The following WDR72 variants were observed in gnomAD, a reference collection of about 807,000 sequenced individuals.
WDR72 encodes WD repeat domain 72, also known as WD repeat-containing protein 72.
A neutral mutation model predicts 124.2 loss-of-function variants in WDR72; 120 were observed. The observed-to-expected ratio is 0.97, with a 90% confidence interval of 0.83 to 1.12. The LOEUF (loss-of-function observed/expected upper bound fraction) is 1.12. Ranked by LOEUF, WDR72 falls within the 50% of genes most tolerant of loss-of-function variation. The probability of loss-of-function intolerance (pLI) is 0.00; values close to 1 mark genes in which losing one functional copy is unlikely to be tolerated. For synonymous variants in WDR72, 452 were observed against 441.7 expected, an observed-to-expected ratio of 1.02 and a Z score of -0.29; for missense variants, 1,387 against 1,278.8, an observed-to-expected ratio of 1.08 and a Z score of -1.29.
At chr15:53,541,459 A>C (rs996337215) in intron 18 of WDR72, among the ~76,000 whole-genome samples, 33 of 150,906 alleles carry the variant, frequency 2.2e-4, no homozygotes, top group Admixed American at 3.9e-4. Flanking sequence ...AAACTAACAA[A>C]CAGAAAGGAC....
At chr15:53,587,693 T>C (rs955850097) in intron 18 of WDR72, among the ~76,000 whole-genome samples, 1 of 152,018 alleles carries the variant, frequency 6.6e-6, no homozygotes, top group Non-Finnish European at 1.5e-5. Context: ...ACTGACCTCA[T>C]TCTAATGAGA....
intron 13 of WDR72, chr15:53,684,023 G>A (rs983047794): frequency 6.6e-6 from 1 of 151,836 alleles, no homozygotes; most frequent in African/African-American, 2.4e-5. Context: ...TATAATAAAG[G>A]ATATCAATTA....
At chr15:53,707,453 A>ATTT (rs33927924) in intron 9 of WDR72, among the ~76,000 whole-genome samples, 32 of 149,672 alleles carry the variant, frequency 2.1e-4, no homozygotes, top group African/African-American at 3.4e-4. Context: ...TTCTAAATGA[A>ATTT]TTTTTTTTTT....
intron 14 of WDR72, among the ~76,000 whole-genome samples, chr15:53,656,992 T>C (rs1234219300): frequency 2.6e-5 from 4 of 151,802 alleles, no homozygotes; most frequent in Admixed American, 2.0e-4. Flanking sequence ...AGGCCTCGCA[T>C]GGTGGCTCAT....
chr15:53,656,353 C>T lies in WDR72; in HGVS notation c.1962+9219G>A, dbSNP rs566110633. Among the ~76,000 whole-genome samples the T allele has an allele frequency of 5.3e-5, 8 of 152,112 alleles. No individual in the cohort carries two copies. In the East Asian group the frequency reaches 7.7e-4, roughly 15 times the overall value. ...CAGAATTCAGAAAAATGGGCAAGAACGTTAGCTGGATGTATTTTTTTAATA... is the reference window on the plus strand; with the variant it reads ...CAGAATTCAGAAAAATGGGCAAGAATGTTAGCTGGATGTATTTTTTTAATA... On this transcript the variant is annotated intron_variant, in intron 14 of 19. Coordinates refer to ENST00000360509, the MANE Select transcript of WDR72 (RefSeq NM_182758.4).
chr15:53,757,425 C>T (rs1241799944), intron 1 of WDR72, among the ~76,000 whole-genome samples: 1 of 152,036 alleles, frequency 6.6e-6, no homozygotes, highest in Non-Finnish European at 1.5e-5. Context: ...GAGTTCGAGA[C>T]CAGCCTGGTC....
Position 53,517,795 on chromosome 15 carries a change from T to C in WDR72, c.3254-41A>G, listed in dbSNP as rs771385873. 46 of 1,595,936 alleles carry C rather than the reference T, an allele frequency of 2.9e-5. No homozygotes were observed. In the Middle Eastern group the frequency reaches 1.0e-3, roughly 35 times the overall value. On this transcript the variant is annotated intron_variant, in intron 19 of 19. Transcript: ENST00000360509. ...ATATCTTGGGTTATATGGTGAAATCTAAAAAGAGAAAAAAGAGAAAGACCA... is the reference window on the plus strand; with the variant it reads ...ATATCTTGGGTTATATGGTGAAATCCAAAAAGAGAAAAAAGAGAAAGACCA...
At chr15:53,759,987 C>G (rs2019030500), upstream of WDR72, among the ~76,000 whole-genome samples, 1 of 149,994 alleles carries the variant, frequency 6.7e-6, no homozygotes, top group Admixed American at 6.6e-5. Context: ...ACTCTTGACC[C>G]TAGGCATTGG....
intron 18 of WDR72, among the ~76,000 whole-genome samples, chr15:53,571,538 A>G (rs931087532): frequency 6.6e-6 from 1 of 152,110 alleles, no homozygotes; most frequent in African/African-American, 2.4e-5. Flanking sequence ...TGTTGTTGCA[A>G]ATACTAGGAT....
chr15:53,525,072 G>A (rs557097837), intron 18 of WDR72, among the ~76,000 whole-genome samples: 1 of 152,070 alleles, frequency 6.6e-6, no homozygotes, highest in South Asian at 2.1e-4. Flanking sequence ...CATGGAAGGA[G>A]AGGATGTGTG....
chr15:53,735,421 G>A (rs550281965), intron 1 of WDR72, among the ~76,000 whole-genome samples: 2 of 152,290 alleles, frequency 1.3e-5, no homozygotes, highest in African/African-American at 4.8e-5. Context: ...GAAAGAACAG[G>A]GAACAGTGAC....
chr15:53,728,156 C>T (rs567037556), intron 2 of WDR72, among the ~76,000 whole-genome samples: 34 of 152,286 alleles, frequency 2.2e-4, no homozygotes, highest in African/African-American at 7.9e-4. Context: ...GGAGGCCTCC[C>T]AATCATGGTG....
At chr15:53,627,943 G>C (rs2014276090) in intron 14 of WDR72, among the ~76,000 whole-genome samples, 1 of 152,050 alleles carries the variant, frequency 6.6e-6, no homozygotes, top group Non-Finnish European at 1.5e-5. Context: ...TAACTCATCA[G>C]ATTAATCTAT....
intron 18 of WDR72, among the ~76,000 whole-genome samples, chr15:53,590,737 A>C (rs4603499): frequency 0.22 from 33,513 of 152,032 alleles, 5,260 homozygotes; most frequent in African/African-American, 0.45. Context: ...AACTTCTCTG[A>C]ATCTGTTTTC....
chr15:53,756,224 C>G (rs995228662), intron 1 of WDR72, among the ~76,000 whole-genome samples: 1 of 152,120 alleles, frequency 6.6e-6, no homozygotes, highest in Non-Finnish European at 1.5e-5. Context: ...AGTAAGGTCT[C>G]GCGAGATCTG....
chr15:53,690,985 T>C (rs1424616130), intron 13 of WDR72, among the ~76,000 whole-genome samples: 1 of 152,190 alleles, frequency 6.6e-6, no homozygotes, highest in Non-Finnish European at 1.5e-5. Flanking sequence ...CTTTTTAAAT[T>C]ATAAGTATCC....
At chr15:53,538,714 T>C (rs1892897934) in intron 18 of WDR72, among the ~76,000 whole-genome samples, 1 of 152,178 alleles carries the variant, frequency 6.6e-6, no homozygotes, top group South Asian at 2.1e-4. Context: ...TGTGTTTTTA[T>C]CTTGTTTGAC....
Position 53,592,536 on chromosome 15 carries a change from A to G in WDR72, c.3148+4543T>C, listed in dbSNP as rs187731793. 2.3e-3 allele frequency among the ~76,000 whole-genome samples: 343 copies of G among 152,260 alleles called. 2 individuals carry two copies. Among genetic ancestry groups the G allele is most frequent in the African/African-American group, 8.0e-3 (333 of 41,562 alleles). ...TAAATGCATGGTTTTATTTAAACAA[A>G]AAACACATTTTTATTATTTAATTTT... On this transcript the variant is annotated intron_variant, in intron 18 of 19. Transcript: ENST00000360509.
chr15:53,548,563 T>G (rs1196802183), intron 18 of WDR72, among the ~76,000 whole-genome samples: 5 of 151,912 alleles, frequency 3.3e-5, no homozygotes, highest in Admixed American at 3.3e-4. Flanking sequence ...CAATGGGAAT[T>G]GGGGTGAGGT....
Sources: allele counts gnomAD v4.1 joint callset (sites outside exome capture counted in the v4.1 genomes callset), GRCh38; gene constraint gnomAD v4.1.1; transcripts MANE v1.5; gene names NCBI Gene and HGNC (gene_info 2026-07-23, HGNC 2026-07-21).